SKOR2: variants seen among roughly 807,000 people sequenced by gnomAD.
SKOR2 encodes SKI family transcriptional corepressor 2.
Under a neutral mutation model 69.1 loss-of-function variants are expected in SKOR2, and 47 were observed. That is an observed-to-expected ratio of 0.68 (90% CI 0.54 to 0.87). The LOEUF (loss-of-function observed/expected upper bound fraction) is 0.87. SKOR2 is among the 40% of genes least tolerant of loss of function. The pLI, the probability that SKOR2 is intolerant of heterozygous loss-of-function variation, is 0.00. For missense variants in SKOR2, 1,404 were observed against 1,472.2 expected, an observed-to-expected ratio of 0.95 and a Z score of 0.76; for synonymous variants, 717 against 672.6, an observed-to-expected ratio of 1.07 and a Z score of -1.02.
rs536799808 is a variant in SKOR2, at chr18:47,247,980, C to G, written c.1204G>C (p.Gly402Arg). The stretch of plus-strand genomic sequence containing the variant: ...GTGTAGGGGTGCGGGAAGAGCCCGC[C>G]GCAGCCCGGGAACTTCTGCAGGACG... ...GGVLQKFPGCGGLFPHPYTFP... is the reference protein window; with the variant it reads ...GGVLQKFPGCRGLFPHPYTFP... The change falls in exon 2 of 9, where the codon GGC (glycine) becomes CGC (arginine). Residue 402 changes from glycine (G) to arginine (R), a missense_variant. Physicochemically the swap from Gly to Arg is moderately radical, Grantham distance 125. Around this residue, in one of 3 missense-constraint regions of SKOR2, gnomAD observed 1,266 missense variants for 1,309.9 expected, o/e 0.97. Coordinates refer to ENST00000425639, the MANE Select transcript of SKOR2 (RefSeq NM_001278063.4). This position sits in a 1 kb window ranked among gnomAD's most constrained non-coding sequence, Gnocchi z 6.6. 1.4e-6 allele frequency: 2 copies of G among 1,388,032 alleles called. No homozygotes were observed. The highest frequency in any genetic ancestry group is 3.3e-5 in the Admixed American group (1 of 30,508). 86.0% of individuals were successfully genotyped at this position (1,388,032 alleles called of 1,614,324 possible). A position where few individuals can be genotyped will look rare whatever the true frequency, so the allele number is the denominator to read the frequency against.
Position 47,247,998 on chromosome 18 carries a change from G to A in SKOR2, c.1186C>T (p.Gln396Ter). 7.0e-7 allele frequency: 1 copy of A among 1,426,486 alleles called. No homozygotes were observed. The allele number at this position is 1,426,486 out of a possible 1,614,324, so 88.4% of individuals were successfully genotyped here. A position where few individuals can be genotyped will look rare whatever the true frequency, so the allele number is the denominator to read the frequency against. Residue 396 changes from glutamine to a stop codon, truncating the protein, a stop_gained, in exon 2 of 9, where the codon CAG (glutamine) becomes TAG (stop). Transcript: ENST00000425639. LOFTEE classifies it high-confidence loss of function. This position sits in a 1 kb window ranked among gnomAD's most constrained non-coding sequence, Gnocchi z 6.6. ...PSKGSFGGVL[Q>*]KFPGCGGLFP... ...AGCCCGCCGCAGCCCGGGAACTTCT[G>A]CAGGACGCCCCCGAACGAGCCCTTG... is the stretch of plus-strand genomic sequence containing the variant.
intron 8 of SKOR2, among the ~76,000 whole-genome samples, chr18:47,207,187 C>T (rs1348575136): frequency 6.6e-6 from 1 of 152,118 alleles, no homozygotes; most frequent in Non-Finnish European, 1.5e-5. Flanking sequence ...ATTTCATGCT[C>T]TGGTGCTCTG....
chr18:47,212,274 T>C (rs2064130191), intron 7 of SKOR2, 123 bp from the exon 8 acceptor site: 4 of 870,870 alleles, frequency 4.6e-6, no homozygotes, highest in Non-Finnish European at 6.1e-6. Context: ...AAAAAAGAGG[T>C]CTCCATCTGC....
At chr18:47,231,129 C>T in intron 4 of SKOR2, 129 bp from the exon 5 acceptor site, 1 of 1,536,064 alleles carries the variant, frequency 6.5e-7, no homozygotes, top group South Asian at 1.2e-5. Flanking sequence ...GTCCTCATAA[C>T]CAAATGTTGT....
intron 6 of SKOR2, among the ~76,000 whole-genome samples, chr18:47,224,631 T>C (rs1305104927): frequency 6.6e-6 from 1 of 151,796 alleles, no homozygotes; most frequent in African/African-American, 2.4e-5. Context: ...TTTTTTTTTT[T>C]TGAGACAGGG....
rs751088949 is a variant in SKOR2 at position 47,247,669 on chromosome 18, C to T, written c.1515G>A (p.Leu505=). ...CCAGGTCCAGGAAGGCCTGGCGCAG[C>T]AGGGCCGGGCTTTCGCCTAGCGCGC... ...LGCALGESPA[L]LRQAFLDLAE... Residue 505 remains leucine (L), a synonymous_variant, in exon 2 of 9, where the codon CTG becomes CTA. Coordinates refer to ENST00000425639, the MANE Select transcript of SKOR2 (RefSeq NM_001278063.4). The surrounding 1 kb of genome is among the most constrained non-coding windows in gnomAD (Gnocchi z 6.6). 34 of 1,366,648 alleles carry T rather than the reference C, an allele frequency of 2.5e-5. No individual in the cohort carries two copies. The African/African-American group carries it at 4.9e-4, about 20-fold the overall frequency. The allele number at this position is 1,366,648 out of a possible 1,614,324, so 84.7% of individuals were successfully genotyped here.
At chr18:47,250,851 C>T (rs992003455) in intron 1 of SKOR2, among the ~76,000 whole-genome samples, 1 of 152,134 alleles carries the variant, frequency 6.6e-6, no homozygotes, top group African/African-American at 2.4e-5. Flanking sequence ...CTGATACAAC[C>T]AACACTAGCT....
intron 8 of SKOR2, among the ~76,000 whole-genome samples, chr18:47,209,996 G>A (rs548430072): frequency 6.6e-6 from 1 of 152,082 alleles, no homozygotes; most frequent in Non-Finnish European, 1.5e-5. Flanking sequence ...AGGATGGCTC[G>A]AGCCAGGGCA....
chr18:47,240,061 T>G (rs1010170296), intron 4 of SKOR2, among the ~76,000 whole-genome samples: 2 of 152,206 alleles, frequency 1.3e-5, no homozygotes, highest in African/African-American at 4.8e-5. Flanking sequence ...TCATGAGAAG[T>G]GTAATTGCTT....
intron 6 of SKOR2, among the ~76,000 whole-genome samples, chr18:47,222,674 A>G (rs1192956197): frequency 6.6e-6 from 1 of 152,206 alleles, no homozygotes; most frequent in Non-Finnish European, 1.5e-5. Flanking sequence ...CTTTCCTCTG[A>G]GCCTCTAGGG....
At position 47,249,176 on chromosome 18, in the gene SKOR2, G is replaced by A. The variant is rs1226917240; in HGVS notation, c.8C>T (p.Ser3Phe). MA[S>F]SPLPGPNDIL... ...GTCGTTGGGCCCTGGCAGCGGACTG[G>A]AAGCCATCTCCGCCGCAGAACCCCG... is the stretch of plus-strand genomic sequence containing the variant. Residue 3 changes from serine (S) to phenylalanine (F), a missense_variant, in exon 2 of 9, where the codon TCC becomes TTC. Ser to Phe is a radical substitution (Grantham distance 155). This residue lies in a region of SKOR2 where 104 missense variants were observed against 95.7 expected (regional missense o/e 1.09). Coordinates refer to ENST00000425639, the MANE Select transcript of SKOR2 (RefSeq NM_001278063.4). 1.3e-6 allele frequency: 2 copies of A among 1,534,668 alleles called. No homozygotes were observed. Among genetic ancestry groups the A allele is most frequent in the South Asian group, 2.4e-5 (2 of 83,884 alleles).
intron 6 of SKOR2, among the ~76,000 whole-genome samples, chr18:47,220,515 G>A (rs960802064): frequency 1.3e-5 from 2 of 152,066 alleles, no homozygotes; most frequent in African/African-American, 2.4e-5. Flanking sequence ...AGAATACTTC[G>A]GCCTGACTCC....
At position 47,245,498 on chromosome 18, in the gene SKOR2, C is replaced by CTTTTTTTTT. The variant is rs2064268688; in HGVS notation, c.2676_2677insAAAAAAAAA (p.Ser892_Asp893insLysLysLys). The CTTTTTTTTT allele has an allele frequency of 2.7e-6, 2 of 734,284 alleles. No homozygotes were observed. The allele number at this position is 734,284 out of a possible 1,614,324, so 45.5% of individuals were successfully genotyped here. A position where few individuals can be genotyped will look rare whatever the true frequency, so the allele number is the denominator to read the frequency against. ...AGCTGATTTTTTTTTTTTTTTTTAC[C>CTTTTTTTTT]TGAAAAGCTGTTGTCATCCTTTGTA... On this transcript the variant is annotated inframe_insertion and splice_region_variant, in exon 3 of 9. Transcript: ENST00000425639.
intron 2 of SKOR2, among the ~76,000 whole-genome samples, chr18:47,246,101 G>C (rs1399975851): frequency 1.3e-5 from 2 of 152,146 alleles, no homozygotes; most frequent in Admixed American, 6.5e-5. Context: ...AGTTAAAACT[G>C]CATTTAACTT....
At chr18:47,246,421 A>C in intron 2 of SKOR2, 150 bp downstream of exon 2, 4 of 1,053,006 alleles carry the variant, frequency 3.8e-6, no homozygotes, top group Non-Finnish European at 5.0e-6. Context: ...GACCACTGGC[A>C]GGAAAGAAGC....
At chr18:47,213,503 AAG>A (rs2064134308) in intron 7 of SKOR2, among the ~76,000 whole-genome samples, 2 of 151,304 alleles carry the variant, frequency 1.3e-5, no homozygotes, top group African/African-American at 4.8e-5. Flanking sequence ...ATTAATGAGA[AAG>A]AGTTATAAAT....
At chr18:47,225,867 G>C (rs1398217) in intron 6 of SKOR2, among the ~76,000 whole-genome samples, 94,707 of 151,984 alleles carry the variant, frequency 0.62, 30,045 homozygotes, top group African/African-American at 0.76. Flanking sequence ...GGAGAGGTTG[G>C]GGGAGGGGCA....
intron 4 of SKOR2, among the ~76,000 whole-genome samples, chr18:47,243,515 C>T (rs1231050753): frequency 6.6e-6 from 1 of 152,030 alleles, no homozygotes; most frequent in African/African-American, 2.4e-5. Context: ...AATTATAAAC[C>T]CTTTTTTGTG....
chr18:47,243,376 G>GT (rs1270231287), intron 4 of SKOR2, among the ~76,000 whole-genome samples: 2 of 152,222 alleles, frequency 1.3e-5, no homozygotes, highest in Non-Finnish European at 2.9e-5. Context: ...TTCTAAAATT[G>GT]TTTTTTCATA....
Sources: allele counts gnomAD v4.1 joint callset (sites outside exome capture counted in the v4.1 genomes callset), GRCh38; gene constraint gnomAD v4.1.1; regional missense constraint gnomAD v4.1.1; non-coding constraint Gnocchi (gnomAD v3.1); transcripts MANE v1.5; gene names NCBI Gene and HGNC (gene_info 2026-07-23, HGNC 2026-07-21).